Variants in MLLT10 observed in about 807,000 individuals in gnomAD.
The protein encoded by MLLT10 is MLLT10 histone lysine methyltransferase DOT1L cofactor.
MLLT10 carries 30 observed loss-of-function variants against 129.1 expected under a neutral mutation model. That is an observed-to-expected ratio of 0.23 (90% CI 0.17 to 0.32). MLLT10 has a LOEUF of 0.32. Ranked by LOEUF, MLLT10 falls within the 10% of genes least tolerant of loss-of-function variation. The probability of loss-of-function intolerance (pLI) is 1.00; values close to 1 mark genes in which losing one functional copy is unlikely to be tolerated. For synonymous variants in MLLT10, 490 were observed against 446.4 expected, an observed-to-expected ratio of 1.10 and a Z score of -1.23; for missense variants, 1,119 against 1,268.3, an observed-to-expected ratio of 0.88 and a Z score of 1.79.
Position 21,582,547 on chromosome 10 carries a change from A to G in MLLT10, c.241-3747A>G, listed in dbSNP as rs971226350. Among the ~76,000 whole-genome samples, 3 of 152,208 alleles carry G rather than the reference A, an allele frequency of 2.0e-5. No homozygotes were observed. In the East Asian group the frequency reaches 5.8e-4, roughly 29 times the overall value. On this transcript the variant is annotated intron_variant, in intron 3 of 22. Transcript: ENST00000307729. Reference sequence around the variant, plus strand: ...GTACCATTTGTTGTTTCAGACATCCACTGGGGTTCTTAGAATGTTTCTCCC... The same window carrying G: ...GTACCATTTGTTGTTTCAGACATCCGCTGGGGTTCTTAGAATGTTTCTCCC...
At chr10:21,637,434 T>A (rs959777104) in intron 8 of MLLT10, among the ~76,000 whole-genome samples, 1 of 152,222 alleles carries the variant, frequency 6.6e-6, no homozygotes. Context: ...CATCCTTGAC[T>A]GCCAGAGGAA....
chr10:21,534,139 A>C, upstream of MLLT10: 2 of 335,938 alleles, frequency 6.0e-6, no homozygotes, highest in East Asian at 4.4e-5. Context: ...GGGGCCCCGG[A>C]GGTAGGCCGG....
At chr10:21,588,679 T>C (rs750690913) in intron 4 of MLLT10, among the ~76,000 whole-genome samples, 20 of 152,142 alleles carry the variant, frequency 1.3e-4, no homozygotes, top group Non-Finnish European at 2.6e-4. Context: ...ATACCTTTGG[T>C]AATCTAACAG....
At chr10:21,709,383 C>T (rs919265257) in intron 13 of MLLT10, among the ~76,000 whole-genome samples, 7 of 152,168 alleles carry the variant, frequency 4.6e-5, no homozygotes, top group Admixed American at 2.6e-4. Context: ...AGGCATGCGC[C>T]GCCATGCCTG....
intron 9 of MLLT10, among the ~76,000 whole-genome samples, chr10:21,662,676 C>T (rs762475165): frequency 6.6e-6 from 1 of 152,144 alleles, no homozygotes; most frequent in Non-Finnish European, 1.5e-5. Context: ...AACATTCCTG[C>T]CATGTCTGAC....
intron 5 of MLLT10, among the ~76,000 whole-genome samples, chr10:21,597,057 CTTGT>C (rs1263858705): frequency 4.0e-5 from 6 of 151,490 alleles, no homozygotes; most frequent in Non-Finnish European, 7.4e-5. Context: ...TTTTAAAAAC[CTTGT>C]TTTTCTTTTT....
intron 8 of MLLT10, among the ~76,000 whole-genome samples, chr10:21,627,223 C>G (rs1156693510): frequency 1.3e-5 from 2 of 152,180 alleles, no homozygotes; most frequent in African/African-American, 4.8e-5. Flanking sequence ...CTCCTCTACT[C>G]TCTGTAGAAT....
chr10:21,582,008 A>G (rs547254211), intron 3 of MLLT10, among the ~76,000 whole-genome samples: 55 of 152,320 alleles, frequency 3.6e-4, no homozygotes, highest in African/African-American at 1.3e-3. Context: ...TTTTAGTTCC[A>G]TTTAATCTCA....
chr10:21,595,851 G>A (rs1041803060), intron 5 of MLLT10, among the ~76,000 whole-genome samples: 29 of 151,640 alleles, frequency 1.9e-4, no homozygotes, highest in African/African-American at 7.0e-4. Context: ...AATGTTACTT[G>A]TCTCCTCCTC....
intron 3 of MLLT10, among the ~76,000 whole-genome samples, chr10:21,581,795 G>A (rs2041487707): frequency 1.3e-5 from 2 of 152,148 alleles, no homozygotes; most frequent in African/African-American, 2.4e-5. Flanking sequence ...TCAGCCATGT[G>A]GAACTGTGAG....
intron 9 of MLLT10, among the ~76,000 whole-genome samples, chr10:21,662,869 G>C (rs556473122): frequency 6.6e-6 from 1 of 152,234 alleles, no homozygotes; most frequent in South Asian, 2.1e-4. Context: ...TCAGTCTTTA[G>C]GTGAACCTCT....
intron 15 of MLLT10, among the ~76,000 whole-genome samples, chr10:21,727,490 T>G (rs2057607359): frequency 6.6e-6 from 1 of 152,216 alleles, no homozygotes; most frequent in African/African-American, 2.4e-5. Context: ...ACGGATTTGC[T>G]GTGATAAGCA....
chr10:21,701,761 TA>T (rs2054938395), intron 13 of MLLT10, among the ~76,000 whole-genome samples: 1 of 151,670 alleles, frequency 6.6e-6, no homozygotes, highest in South Asian at 2.1e-4. Context: ...TAATTTTTTT[TA>T]TATTTTTAGA....
At chr10:21,593,308 G>A (rs538953799) in intron 4 of MLLT10, among the ~76,000 whole-genome samples, 36 of 152,136 alleles carry the variant, frequency 2.4e-4, no homozygotes, top group African/African-American at 6.5e-4. Context: ...GCCTAGGGTG[G>A]TCTTGAACTC....
At chr10:21,597,493 C>G (rs1319449601) in intron 5 of MLLT10, among the ~76,000 whole-genome samples, 1 of 152,132 alleles carries the variant, frequency 6.6e-6, no homozygotes, top group Non-Finnish European at 1.5e-5. Context: ...CCTCAGCGTC[C>G]CGAGTAGCTG....
At chr10:21,567,617 G>A (rs1438163179) in intron 3 of MLLT10, among the ~76,000 whole-genome samples, 5 of 152,106 alleles carry the variant, frequency 3.3e-5, no homozygotes, top group African/African-American at 1.2e-4. Flanking sequence ...ACTACCTGGT[G>A]GGAATCTTGG....
intron 8 of MLLT10, among the ~76,000 whole-genome samples, chr10:21,645,280 G>T (rs909107023): frequency 6.6e-6 from 1 of 152,056 alleles, no homozygotes; most frequent in Non-Finnish European, 1.5e-5. Context: ...GGTTGCTTTT[G>T]GGGATCATTT....
chr10:21,565,809 T>C (rs59876709), intron 3 of MLLT10, among the ~76,000 whole-genome samples: 6,985 of 151,856 alleles, frequency 0.046, 544 homozygotes, highest in African/African-American at 0.16. Context: ...TCTTGTTATG[T>C]TGCCCAGCCT....
intron 21 of MLLT10, among the ~76,000 whole-genome samples, chr10:21,737,838 G>T (rs940537542): frequency 6.6e-6 from 1 of 152,078 alleles, no homozygotes; most frequent in Non-Finnish European, 1.5e-5. Context: ...AATTACAAAG[G>T]CTGACATCCT....
Sources: gnomAD v4.1 joint callset for allele counts (sites outside exome capture counted in the v4.1 genomes callset) on GRCh38, gnomAD v4.1.1 for gene constraint, MANE v1.5 for transcripts, NCBI Gene and HGNC (gene_info 2026-07-23, HGNC 2026-07-21) for gene names.